DNAH17: variants seen among roughly 807,000 people sequenced by gnomAD.
DNAH17 encodes the protein dynein axonemal heavy chain 17, also known as axonemal beta dynein heavy chain 17.
Under a neutral mutation model 485.6 loss-of-function variants are expected in DNAH17, and 376 were observed. The observed-to-expected ratio is 0.77, with a 90% confidence interval of 0.71 to 0.84. The LOEUF (loss-of-function observed/expected upper bound fraction) is 0.84, where lower values mean the gene tolerates loss of function less well. Among genes scored for constraint, DNAH17 ranks in the 40% least tolerant of loss-of-function variants. The probability of loss-of-function intolerance (pLI) is 0.00; values close to 1 mark genes in which losing one functional copy is unlikely to be tolerated. For synonymous variants in DNAH17, 3,031 were observed against 2,405.9 expected (o/e 1.26, Z -7.60); for missense variants, 6,370 against 5,839.3 (o/e 1.09, Z -2.96).
chr17:78,454,559 C>T lies in DNAH17; in HGVS notation c.10317G>A (p.Pro3439=), dbSNP rs767410463. ...CTTGGAGCTGGGCGTCCACGATCAG[C>T]GGCCACCGCTCGGTGTTGCCCAGGA... is the stretch of plus-strand genomic sequence containing the variant. The part of the protein sequence containing the change: ...ATILGNTERW[P]LIVDAQLQGI... The change falls in exon 64 of 81, where the codon CCG becomes CCA. Residue 3439 remains proline, a synonymous_variant. Coordinates refer to ENST00000389840, the MANE Select transcript of DNAH17 (RefSeq NM_173628.4). 1.4e-5 allele frequency: 23 copies of T among 1,613,146 alleles called. No homozygotes were observed. The highest frequency in any genetic ancestry group is 6.6e-5 in the South Asian group (6 of 91,034).
chr17:78,434,525 G>A (rs547495490), intron 74 of DNAH17, among the ~76,000 whole-genome samples: 1 of 152,164 alleles, frequency 6.6e-6, no homozygotes, highest in Admixed American at 6.5e-5. Flanking sequence ...GACATTTCGG[G>A]ACTACTTTAA....
chr17:78,495,918 C>T lies in DNAH17; in HGVS notation c.5860G>A (p.Ala1954Thr), dbSNP rs779006760. The T allele has an allele frequency of 9.9e-6, 16 of 1,613,764 alleles. No individual in the cohort carries two copies. The highest frequency in any genetic ancestry group is 1.7e-5 in the Admixed American group (1 of 60,000). ...GIFITMNPGYAGRAELPENLK... is the reference protein window; with the variant it reads ...GIFITMNPGYTGRAELPENLK... ...TTCTCAGGCAGCTCCGCGCGTCCGG[C>T]GTACCCAGGGTTCATGGTGATGAAG... The change falls in exon 38 of 81, where the codon GCC becomes ACC. Residue 1954 changes from alanine (A) to threonine (T), a missense_variant. Ala to Thr is a moderately conservative substitution (Grantham distance 58, BLOSUM62 0). Coordinates refer to ENST00000389840, the MANE Select transcript of DNAH17 (RefSeq NM_173628.4).
chr17:78,499,080 C>T lies in DNAH17; in HGVS notation c.5673G>A (p.Gln1891=). The T allele has an allele frequency of 6.2e-7, 1 of 1,608,174 alleles. No individual in the cohort carries two copies. The highest frequency in any genetic ancestry group is 8.5e-7 in the Non-Finnish European group (1 of 1,177,316). The change falls in exon 37 of 81, where the codon CAG becomes CAA. Residue 1891 remains glutamine, a synonymous_variant. Transcript: ENST00000389840. Reference sequence around the variant, plus strand: ...CGTCAAAGCAGCCCCAGGCTCCCGTCTGGGCCAGGCCCTTGTAGATATTTC... The same window carrying T: ...CGTCAAAGCAGCCCCAGGCTCCCGTTTGGGCCAGGCCCTTGTAGATATTTC... ...SCGNIYKGLA[Q]TGAWGCFDEF... is the part of the protein sequence containing the mutation.
chr17:78,486,882 G>A (rs914789642), intron 44 of DNAH17, among the ~76,000 whole-genome samples: 14 of 152,154 alleles, frequency 9.2e-5, no homozygotes, highest in South Asian at 2.1e-4. Context: ...CACGAAGGTG[G>A]GGACAGTAAG....
At chr17:78,460,041 A>C in intron 59 of DNAH17, 40 bp from the exon 60 acceptor site, 2 of 1,608,500 alleles carry the variant, frequency 1.2e-6, no homozygotes, top group Non-Finnish European at 1.7e-6. Context: ...GGGAGTTTGG[A>C]CCGGGTCCTC....
At chr17:78,565,668 A>T (rs1383639842) in intron 11 of DNAH17, among the ~76,000 whole-genome samples, 1 of 152,190 alleles carries the variant, frequency 6.6e-6, no homozygotes, top group African/African-American at 2.4e-5. Context: ...AGAAACAAAA[A>T]GTAGGCCAGG....
chr17:78,426,032 G>A (rs951483600), intron 79 of DNAH17, among the ~76,000 whole-genome samples: 1 of 152,082 alleles, frequency 6.6e-6, no homozygotes, highest in Non-Finnish European at 1.5e-5. Context: ...CAAAGTGCTG[G>A]GATTACAGGT....
chr17:78,434,438 T>TG (rs1364654795), intron 74 of DNAH17, among the ~76,000 whole-genome samples: 1 of 152,288 alleles, frequency 6.6e-6, no homozygotes, highest in East Asian at 1.9e-4. Context: ...CTTTCAGAAA[T>TG]GCAATTTTAT....
rs191624730 is a variant in DNAH17 at position 78,546,283 on chromosome 17, G to A, written c.2392-2286C>T. Among the ~76,000 whole-genome samples, 9 of 152,278 alleles carry A rather than the reference G, an allele frequency of 5.9e-5. No homozygotes were observed. In the East Asian group the frequency reaches 1.7e-3, roughly 29 times the overall value. On this transcript the variant is annotated intron_variant, in intron 16 of 80. Coordinates refer to ENST00000389840, the MANE Select transcript of DNAH17 (RefSeq NM_173628.4). The stretch of plus-strand genomic sequence containing the variant: ...GGTCAATTATTGGAAGTTTCATATG[G>A]TTTCACCTACTTGTCAATCATTTTA...
Position 78,479,549 on chromosome 17 carries a change from C to T in DNAH17, c.7836G>A (p.Leu2612=), listed in dbSNP as rs753236330. 2.5e-5 allele frequency: 41 copies of T among 1,613,574 alleles called. No homozygotes were observed. Among genetic ancestry groups the T allele is most frequent in the Admixed American group, 3.3e-5 (2 of 59,992 alleles). Residue 2612 remains leucine, a synonymous_variant, in exon 50 of 81, where the codon CTG becomes CTA. Coordinates refer to ENST00000389840, the MANE Select transcript of DNAH17 (RefSeq NM_173628.4). ...TAGCCATGGAGACCGAGCGGAAGGC[C>T]AGGTGCTGCGTCAGGATTGTGTTGT... ...TIYNTILTQH[L]AFRSVSMAIQ...
At chr17:78,553,283 G>GTGT (rs2091945217) in intron 14 of DNAH17, among the ~76,000 whole-genome samples, 1 of 51,018 alleles carries the variant, frequency 2.0e-5, no homozygotes, top group African/African-American at 9.0e-5. Flanking sequence ...AGGTTTTTGT[G>GTGT]TTTTTTTTTT....
At chr17:78,464,900 T>C (rs1243268031) in intron 56 of DNAH17, among the ~76,000 whole-genome samples, 3 of 152,268 alleles carry the variant, frequency 2.0e-5, no homozygotes, top group Admixed American at 6.5e-5. Flanking sequence ...CATGAATTTT[T>C]TAGCGCTAAT....
rs753557307 is a variant in DNAH17 at position 78,428,652 on chromosome 17, C to A, written c.12461G>T (p.Gly4154Val). The A allele has an allele frequency of 1.2e-6, 2 of 1,613,962 alleles. No homozygotes were observed. Among genetic ancestry groups the A allele is most frequent in the South Asian group, 2.2e-5 (2 of 91,088 alleles). The change falls in exon 77 of 81, where the codon GGC becomes GTC. Residue 4154 changes from glycine to valine, a missense_variant. By Grantham distance (109) the Gly-to-Val change is moderately radical. Coordinates refer to ENST00000389840, the MANE Select transcript of DNAH17 (RefSeq NM_173628.4). ...GCCAATCTCTGCGTTGGGGTGCAGG[C>A]CATACAGATAGGGACTCTCAGGGGG... ...NLPPESPYLY[G>V]LHPNAEIGFL... is the part of the protein sequence containing the mutation.
intron 73 of DNAH17, among the ~76,000 whole-genome samples, chr17:78,438,540 C>T (rs1192664533): frequency 2.8e-5 from 4 of 142,812 alleles, no homozygotes; most frequent in Admixed American, 7.2e-5. Context: ...CTCTGTCGCC[C>T]GGGCTGGAGT....
rs376849780 is a variant in DNAH17 at position 78,539,778 on chromosome 17, G to T, written c.2635C>A (p.Arg879Ser). 8.1e-6 allele frequency: 13 copies of T among 1,611,458 alleles called. No individual in the cohort carries two copies. The highest frequency in any genetic ancestry group is 1.6e-4 in the Middle Eastern group (1 of 6,080). The part of the protein sequence containing the change: ...MVLDEFDQFI[R>S]KSLSFLMDNM... ...TCCATTAGGAAACTCAGAGATTTGC[G>T]AATGAACTGGTCAAATTCATCTAAG... is the stretch of plus-strand genomic sequence containing the variant. The change falls in exon 18 of 81, where the codon CGC (arginine) becomes AGC (serine). Residue 879 changes from arginine to serine, a missense_variant. Physicochemically the swap from Arg to Ser is moderately radical, Grantham distance 110 (BLOSUM62 -1). Transcript: ENST00000389840.
At chr17:78,534,294 G>A (rs900675895) in intron 19 of DNAH17, among the ~76,000 whole-genome samples, 2 of 152,254 alleles carry the variant, frequency 1.3e-5, no homozygotes, top group African/African-American at 4.8e-5. Flanking sequence ...TCTGTGCAGG[G>A]GACCTCGTTG....
At position 78,437,632 on chromosome 17, in the gene DNAH17, T is replaced by G. The variant is rs2086892606; in HGVS notation, c.12033+9A>C. On this transcript the variant is annotated intron_variant, in intron 74 of 80. Transcript: ENST00000389840. ...GATGGGGAGGCAGCCCGAGCAGGCGTGGCCCTACCTGGGTGAACAGGTCCA... is the reference window on the plus strand; with the variant it reads ...GATGGGGAGGCAGCCCGAGCAGGCGGGGCCCTACCTGGGTGAACAGGTCCA... The G allele has an allele frequency of 6.3e-7, 1 of 1,598,072 alleles. No homozygotes were observed. Among genetic ancestry groups the G allele is most frequent in the Admixed American group, 1.7e-5 (1 of 58,892 alleles).
rs2087443840 is a variant in DNAH17 at position 78,449,287 on chromosome 17, A to G, written c.11211+127T>C. On this transcript the variant is annotated intron_variant, in intron 69 of 80. Transcript: ENST00000389840. ...TTTATAATCACCTGGGTATATTGCT[A>G]AAATGCGGGTTTGAAATCACCAGGT... 3 of 966,964 alleles carry G rather than the reference A, an allele frequency of 3.1e-6. No individual in the cohort carries two copies. In the Admixed American group the frequency reaches 7.4e-5, roughly 24 times the overall value. The allele number at this position is 966,964 out of a possible 1,614,324, so 59.9% of individuals were successfully genotyped here. A position where few individuals can be genotyped will look rare whatever the true frequency, so the allele number is the denominator to read the frequency against.
At chr17:78,449,605 G>A (rs371393266) in intron 68 of DNAH17, 21 bp from the exon 69 acceptor site, 36 of 1,589,628 alleles carry the variant, frequency 2.3e-5, no homozygotes, top group Middle Eastern at 1.7e-4. Flanking sequence ...GCCACCGAGA[G>A]CCATGGAGGC....
Sources: allele counts gnomAD v4.1 joint callset (sites outside exome capture counted in the v4.1 genomes callset), GRCh38; gene constraint gnomAD v4.1.1; transcripts MANE v1.5; gene names NCBI Gene and HGNC (gene_info 2026-07-23, HGNC 2026-07-21).